Variants in CACNA1B observed in about 807,000 individuals in gnomAD.
CACNA1B encodes voltage-dependent N-type calcium channel subunit alpha-1B.
CACNA1B carries 70 observed loss-of-function variants against 247.2 expected under a neutral mutation model. The ratio of observed to expected loss-of-function variants is 0.28; its 90% CI spans 0.23 to 0.35. The LOEUF (loss-of-function observed/expected upper bound fraction) is 0.35. Ranked by LOEUF, CACNA1B falls within the 10% of genes least tolerant of loss-of-function variation. The pLI, the probability that CACNA1B is intolerant of heterozygous loss-of-function variation, is 1.00. For missense variants in CACNA1B, 2,367 were observed against 3,197.4 expected (o/e 0.74, Z 6.26); for synonymous variants, 1,231 against 1,294.4 (o/e 0.95, Z 1.05).
At chr9:137,993,483 T>C (rs1958459545) in intron 15 of CACNA1B, among the ~76,000 whole-genome samples, 2 of 152,198 alleles carry the variant, frequency 1.3e-5, no homozygotes, top group East Asian at 3.9e-4. Flanking sequence ...GATCCAAATA[T>C]AAGCTCAATT....
chr9:138,031,622 G>A (rs763232451), intron 20 of CACNA1B, among the ~76,000 whole-genome samples: 6 of 152,180 alleles, frequency 3.9e-5, no homozygotes, highest in Admixed American at 6.5e-5. Context: ...AGCTGTAAAT[G>A]TGGATTTATC....
intron 10 of CACNA1B, among the ~76,000 whole-genome samples, chr9:137,963,993 C>T (rs1489786203): frequency 6.6e-6 from 1 of 152,140 alleles, no homozygotes; most frequent in East Asian, 1.9e-4. Flanking sequence ...ATTTGGAATT[C>T]TTTTAAGAAT....
intron 36 of CACNA1B, among the ~76,000 whole-genome samples, chr9:138,092,978 A>G (rs1225909768): frequency 2.6e-5 from 4 of 152,234 alleles, no homozygotes; most frequent in Non-Finnish European, 4.4e-5. Flanking sequence ...AGTGATTAAT[A>G]TCCATTTCTC....
rs1957101094 is a variant in CACNA1B, at chr9:137,891,648, C to T, written c.530+8765C>T. 3 of 216,422 alleles carry T rather than the reference C, an allele frequency of 1.4e-5. No homozygotes were observed. The highest frequency in any genetic ancestry group is 1.4e-4 in the East Asian group (1 of 7,364). 13.4% of individuals were successfully genotyped at this position (216,422 alleles called of 1,614,324 possible). ...CTCCTTCTCCTCCTTCACACTGGAG[C>T]GGCAGAGTTGCAGATTCACACTGAG... On this transcript the variant is annotated intron_variant, in intron 3 of 46. Transcript: ENST00000371372. The surrounding 1 kb of genome is among the most constrained non-coding windows in gnomAD (Gnocchi z 4.3).
chr9:137,889,024 A>T (rs1253533834), intron 3 of CACNA1B, among the ~76,000 whole-genome samples: 1 of 150,416 alleles, frequency 6.6e-6, no homozygotes, highest in Non-Finnish European at 1.5e-5. Flanking sequence ...GTCTGAACAC[A>T]GGTGACAGCC....
chr9:138,053,771 A>AC, intron 25 of CACNA1B, 75 bp from the exon 26 acceptor site: 1 of 930,434 alleles, frequency 1.1e-6, no homozygotes, highest in South Asian at 1.9e-5. Flanking sequence ...CCGTGACCCT[A>AC]CCCTTCCCCC....
At chr9:137,978,200 C>G (rs1232767709) in intron 12 of CACNA1B, among the ~76,000 whole-genome samples, 1 of 120,284 alleles carries the variant, frequency 8.3e-6, no homozygotes, top group Non-Finnish European at 1.7e-5. Context: ...TGCCCCCCCC[C>G]AGGAAAGAGC....
At position 137,987,052 on chromosome 9, in the gene CACNA1B, G is replaced by A. The variant is rs570110526; in HGVS notation, c.1974+198G>A. Among the ~76,000 whole-genome samples the A allele has an allele frequency of 1.2e-4, 19 of 152,358 alleles. No individual in the cohort carries two copies. In the South Asian group the frequency reaches 3.9e-3, roughly 32 times the overall value. Reference sequence around the variant, plus strand: ...CAGATCTCCAGGTCCGGGGGCCCCAGCCCCTACGGTGAAGGAAGCTGGATT... The same window carrying A: ...CAGATCTCCAGGTCCGGGGGCCCCAACCCCTACGGTGAAGGAAGCTGGATT... On this transcript the variant is annotated intron_variant, in intron 15 of 46. Transcript: ENST00000371372.
intron 21 of CACNA1B, 116 bp from the exon 22 acceptor site, chr9:138,046,788 A>C: frequency 1.0e-6 from 1 of 978,466 alleles, no homozygotes; most frequent in Non-Finnish European, 1.5e-6. Context: ...CTCTGGGGCC[A>C]CAGCTTCCTG....
chr9:137,901,848 C>G (rs150287046), intron 3 of CACNA1B, among the ~76,000 whole-genome samples: 184 of 152,060 alleles, frequency 1.2e-3, no homozygotes, highest in South Asian at 4.4e-3. Flanking sequence ...CACGACTACA[C>G]CTGGGTGATT....
Position 137,891,877 on chromosome 9 carries a change from C to G in CACNA1B, c.530+8994C>G. On this transcript the variant is annotated intron_variant, in intron 3 of 46. Transcript: ENST00000371372. The surrounding 1 kb of genome is among the most constrained non-coding windows in gnomAD (Gnocchi z 4.3). ...AGGTCACATGGTAGCACCCCCCACC[C>G]AGTCCCTGCCCTCTTCACGACCCTG... 2.8e-6 allele frequency: 1 copy of G among 361,966 alleles called. No homozygotes were observed. The highest frequency in any genetic ancestry group is 5.5e-6 in the Non-Finnish European group (1 of 182,260). 22.4% of individuals were successfully genotyped at this position (361,966 alleles called of 1,614,324 possible).
Position 137,957,041 on chromosome 9 carries a change from C to T in CACNA1B, c.1243+214C>T, listed in dbSNP as rs1042502617. 2.6e-5 allele frequency among the ~76,000 whole-genome samples: 4 copies of T among 152,212 alleles called. No individual in the cohort carries two copies. Among genetic ancestry groups the T allele is most frequent in the South Asian group, 2.1e-4 (1 of 4,834 alleles). ...AGGTTTAAACCGAGCTGTGTCTATC[C>T]CCAGGGCTTGGGGTGCTGCTGCTCC... On this transcript the variant is annotated intron_variant, in intron 9 of 46. Transcript: ENST00000371372. The surrounding 1 kb of genome is among the most constrained non-coding windows in gnomAD (Gnocchi z 4.7).
chr9:137,941,528 A>C (rs1396377336), intron 6 of CACNA1B, among the ~76,000 whole-genome samples: 3 of 152,154 alleles, frequency 2.0e-5, no homozygotes, highest in Non-Finnish European at 2.9e-5. Flanking sequence ...CTACAAATTC[A>C]ATGCAGTTCC....
rs376182677 is a variant in CACNA1B, at chr9:138,011,446, C to T, written c.2160+1369C>T. Among the ~76,000 whole-genome samples, 19 of 152,192 alleles carry T rather than the reference C, an allele frequency of 1.2e-4. No homozygotes were observed. Among genetic ancestry groups the T allele is most frequent in the African/African-American group, 4.6e-4 (19 of 41,436 alleles). ...CCACTGGGGGCCTGTCTGTGTCTGG[C>T]TGTGGGCATTTTTCTGGGCTGACCA... On this transcript the variant is annotated intron_variant, in intron 17 of 46. Coordinates refer to ENST00000371372, the MANE Select transcript of CACNA1B (RefSeq NM_000718.4). This position sits in a 1 kb window ranked among gnomAD's most constrained non-coding sequence, Gnocchi z 4.2.
At chr9:138,086,148 A>G (rs1960686650) in intron 36 of CACNA1B, among the ~76,000 whole-genome samples, 1 of 151,288 alleles carries the variant, frequency 6.6e-6, no homozygotes, top group African/African-American at 2.4e-5. Context: ...ATAACCTTAA[A>G]TGTAAATGGA....
chr9:137,994,608 A>G (rs1958474645), intron 15 of CACNA1B, among the ~76,000 whole-genome samples: 1 of 152,238 alleles, frequency 6.6e-6, no homozygotes, highest in South Asian at 2.1e-4. Context: ...CCCCTTTTAC[A>G]GTAGCTGCAC....
Position 138,119,971 on chromosome 9 carries a change from G to A in CACNA1B, c.6031-194G>A, listed in dbSNP as rs369543508. The stretch of plus-strand genomic sequence containing the variant: ...CCTGGCACGACACATGGGATGGGGC[G>A]GGGACTCAGGCACTGTCTGCCCCCA... On this transcript the variant is annotated intron_variant, in intron 44 of 46. Coordinates refer to ENST00000371372, the MANE Select transcript of CACNA1B (RefSeq NM_000718.4). Among the ~76,000 whole-genome samples the A allele has an allele frequency of 4.1e-3, 617 of 152,252 alleles. 17 individuals carry two copies. In the South Asian group the frequency reaches 0.087, roughly 21 times the overall value.
intron 6 of CACNA1B, among the ~76,000 whole-genome samples, chr9:137,928,908 C>T (rs1370459233): frequency 2.6e-5 from 4 of 152,076 alleles, no homozygotes; most frequent in Non-Finnish European, 5.9e-5. Flanking sequence ...TTTACATCCA[C>T]GATGAAGCAA....
chr9:138,000,359 A>G (rs974709157), intron 15 of CACNA1B, among the ~76,000 whole-genome samples: 3 of 152,170 alleles, frequency 2.0e-5, no homozygotes, highest in South Asian at 2.1e-4. Context: ...TGGCCTCCCA[A>G]AGTGCTGGGA....
Sources: allele counts gnomAD v4.1 joint callset (sites outside exome capture counted in the v4.1 genomes callset), GRCh38; gene constraint gnomAD v4.1.1; non-coding constraint Gnocchi (gnomAD v3.1); transcripts MANE v1.5; gene names NCBI Gene and HGNC (gene_info 2026-07-23, HGNC 2026-07-21).